CDK17: variants seen among roughly 807,000 people sequenced by gnomAD.
CDK17 encodes cyclin-dependent kinase 17.
A neutral mutation model predicts 77.6 loss-of-function variants in CDK17; 24 were observed. That is an observed-to-expected ratio of 0.31 (90% confidence interval 0.22 to 0.44). The LOEUF is 0.44. CDK17 is among the 20% of genes least tolerant of loss of function. CDK17 has a pLI of 1.00. For missense variants in CDK17, 429 were observed against 622.5 expected, an observed-to-expected ratio of 0.69 and a Z score of 3.31; for synonymous variants, 203 against 210.4, an observed-to-expected ratio of 0.96 and a Z score of 0.30.
At chr12:96,291,505 T>G (rs937774994) in intron 10 of CDK17, among the ~76,000 whole-genome samples, 4 of 152,134 alleles carry the variant, frequency 2.6e-5, no homozygotes, top group Non-Finnish European at 5.9e-5. Context: ...TTGCCCAGAC[T>G]GGTCTTGAAC....
At chr12:96,301,748 A>T (rs1952508461) in intron 5 of CDK17, among the ~76,000 whole-genome samples, 1 of 152,166 alleles carries the variant, frequency 6.6e-6, no homozygotes, top group South Asian at 2.1e-4. Flanking sequence ...TAGAGGTCTA[A>T]ATACGCAATT....
chr12:96,286,097 T>C lies in CDK17; in HGVS notation c.1268A>G (p.Lys423Arg). The change falls in exon 13 of 17, where the codon AAG (lysine) becomes AGG (arginine). Residue 423 changes from lysine (K) to arginine (R), a missense_variant. Physicochemically the swap from Lys to Arg is conservative, Grantham distance 26 (BLOSUM62 2). Transcript: ENST00000261211. ...TTTATATTTTGGAAAGTTGTAGTTC[T>C]TGAACTCCTCATTTGAAGAAATACC... is the stretch of plus-strand genomic sequence containing the variant. ...WPGISSNEEF[K>R]NYNFPKYKPQ... is the part of the protein sequence containing the mutation. 4 of 1,521,240 alleles carry C rather than the reference T, an allele frequency of 2.6e-6. No homozygotes were observed. Among genetic ancestry groups the C allele is most frequent in the Non-Finnish European group, 3.5e-6 (4 of 1,130,012 alleles). The allele number at this position is 1,521,240 out of a possible 1,614,324, so 94.2% of individuals were successfully genotyped here.
At chr12:96,355,629 G>C (rs540005846) in intron 1 of CDK17, among the ~76,000 whole-genome samples, 1 of 151,832 alleles carries the variant, frequency 6.6e-6, no homozygotes, top group Non-Finnish European at 1.5e-5. Flanking sequence ...GATGGTCTCC[G>C]CCTCTTGACC....
At chr12:96,330,728 C>T (rs892372822) in intron 2 of CDK17, among the ~76,000 whole-genome samples, 1 of 152,338 alleles carries the variant, frequency 6.6e-6, no homozygotes, top group Non-Finnish European at 1.5e-5. Flanking sequence ...GGACAGACCA[C>T]ATTCTGTTTA....
intron 1 of CDK17, among the ~76,000 whole-genome samples, chr12:96,370,137 A>C (rs1186145766): frequency 1.3e-5 from 2 of 152,224 alleles, no homozygotes; most frequent in Non-Finnish European, 2.9e-5. Flanking sequence ...TATTCTGCAA[A>C]TTTAACCAAA....
intron 10 of CDK17, among the ~76,000 whole-genome samples, chr12:96,292,494 A>C (rs1952338787): frequency 6.6e-6 from 1 of 152,074 alleles, no homozygotes; most frequent in African/African-American, 2.4e-5. Context: ...AATTGCAGCT[A>C]TTTGGGAGGC....
At position 96,316,994 on chromosome 12, in the gene CDK17, C is replaced by T. The variant is rs368992495; in HGVS notation, c.284-3540G>A. Among the ~76,000 whole-genome samples, 352 of 145,864 alleles carry T rather than the reference C, an allele frequency of 2.4e-3. 2 individuals carry two copies. Among genetic ancestry groups the T allele is most frequent in the African/African-American group, 7.3e-3 (291 of 39,720 alleles). ...CGAGCTGAGAGAAGAAGGCTTCAGACGATCAAATTACTCTGAGCTACGGGA... is the reference window on the plus strand; with the variant it reads ...CGAGCTGAGAGAAGAAGGCTTCAGATGATCAAATTACTCTGAGCTACGGGA... On this transcript the variant is annotated intron_variant, in intron 3 of 16. Coordinates refer to ENST00000261211, the MANE Select transcript of CDK17 (RefSeq NM_002595.5).
chr12:96,375,981 TAAG>T (rs1953775833), intron 1 of CDK17, among the ~76,000 whole-genome samples: 1 of 152,246 alleles, frequency 6.6e-6, no homozygotes, highest in South Asian at 2.1e-4. Context: ...CAAATGAGCC[TAAG>T]AATCAGACTT....
chr12:96,314,257 A>G (rs142703542), intron 3 of CDK17, among the ~76,000 whole-genome samples: 1,552 of 152,300 alleles, frequency 0.01, 46 homozygotes, highest in Admixed American at 0.061. Context: ...GAGTGCAGTG[A>G]CACAACCATG....
At chr12:96,282,452 C>T in intron 15 of CDK17, 57 bp downstream of exon 15, 1 of 1,155,734 alleles carries the variant, frequency 8.7e-7, no homozygotes, top group Non-Finnish European at 1.3e-6. Context: ...TCACCCCAGA[C>T]CCTAACCTTG....
At chr12:96,375,076 C>T (rs7138483) in intron 1 of CDK17, among the ~76,000 whole-genome samples, 32,378 of 152,124 alleles carry the variant, frequency 0.21, 4,352 homozygotes, top group Middle Eastern at 0.33. Flanking sequence ...TACTTCAAAC[C>T]ATCTCCACCA....
chr12:96,376,973 A>C (rs1026265113), intron 1 of CDK17, among the ~76,000 whole-genome samples: 1 of 152,220 alleles, frequency 6.6e-6, no homozygotes, highest in Non-Finnish European at 1.5e-5. Context: ...TCCATTTACT[A>C]TAATAATCAT....
intron 3 of CDK17, among the ~76,000 whole-genome samples, chr12:96,317,288 T>C (rs1248891420): frequency 4.3e-5 from 6 of 138,202 alleles, no homozygotes; most frequent in Non-Finnish European, 7.9e-5. Flanking sequence ...CCAAGAAATA[T>C]GGGACTATGT....
At chr12:96,347,667 T>C (rs564809737) in intron 1 of CDK17, among the ~76,000 whole-genome samples, 4 of 139,910 alleles carry the variant, frequency 2.9e-5, no homozygotes, top group East Asian at 4.4e-4. Flanking sequence ...GAAAGAAATA[T>C]AGGACTTGAA....
At position 96,385,012 on chromosome 12, in the gene CDK17, GAA is replaced by G. The variant is rs75720821; in HGVS notation, c.-30+14972_-30+14973del. Among the ~76,000 whole-genome samples the G allele has an allele frequency of 3.7e-4, 28 of 75,518 alleles. 1 individual carries two copies. Among genetic ancestry groups the G allele is most frequent in the East Asian group, 1.9e-3 (5 of 2,644 alleles). 49.5% of individuals were successfully genotyped at this position (75,518 alleles called of 152,430 possible). ...GTGAAAGCAAGACCCTTTCTCAAGG[GAA>G]AAAAAAAAAAAAAAAAAAGCCAGGT... On this transcript the variant is annotated intron_variant, in intron 1 of 16. Transcript: ENST00000261211.
intron 10 of CDK17, among the ~76,000 whole-genome samples, chr12:96,291,463 G>C (rs1352877069): frequency 2.0e-5 from 3 of 151,836 alleles, no homozygotes; most frequent in Non-Finnish European, 4.4e-5. Flanking sequence ...GGCTAATTTT[G>C]AAATTTTTTA....
chr12:96,342,855 G>A (rs563669669), intron 1 of CDK17, among the ~76,000 whole-genome samples: 1 of 151,924 alleles, frequency 6.6e-6, no homozygotes. Context: ...CCAGCTACTC[G>A]GGAGGCTGCC....
rs984087110 is a variant in CDK17 at position 96,390,502 on chromosome 12, A to C, written c.-30+9484T>G. On this transcript the variant is annotated intron_variant, in intron 1 of 16. Transcript: ENST00000261211. ...GGTGGGTGGATCACCTGAGCTCAGG[A>C]GTTCAAGACCAGCCTGCCCAACATG... Among the ~76,000 whole-genome samples the C allele has an allele frequency of 9.7e-4, 145 of 149,462 alleles. 1 individual carries two copies. Among genetic ancestry groups the C allele is most frequent in the African/African-American group, 3.5e-3 (144 of 41,164 alleles).
At chr12:96,360,372 T>C (rs942158684) in intron 1 of CDK17, among the ~76,000 whole-genome samples, 4 of 152,186 alleles carry the variant, frequency 2.6e-5, no homozygotes, top group African/African-American at 9.7e-5. Context: ...TGGTAAGATA[T>C]GCCAGTGAGA....
Sources: gnomAD v4.1 joint callset for allele counts (sites outside exome capture counted in the v4.1 genomes callset) on GRCh38, gnomAD v4.1.1 for gene constraint, MANE v1.5 for transcripts, NCBI Gene and HGNC (gene_info 2026-07-23, HGNC 2026-07-21) for gene names.